KCNJ16: variants seen among roughly 807,000 people sequenced by gnomAD.
KCNJ16 encodes inward rectifier potassium channel 16.
Under a neutral mutation model 18.5 loss-of-function variants are expected in KCNJ16, and 15 were observed. The observed-to-expected ratio is 0.81, with a 90% CI of 0.54 to 1.25. The LOEUF (loss-of-function observed/expected upper bound fraction) is 1.25. KCNJ16 is among the 50% of genes most tolerant of loss of function. KCNJ16 has a pLI of 0.00. For missense variants in KCNJ16, 523 were observed against 525.7 expected, an observed-to-expected ratio of 0.99 and a Z score of 0.05; for synonymous variants, 174 against 186.5, an observed-to-expected ratio of 0.93 and a Z score of 0.55.
chr17:70,077,051 C>T (rs7210827), intron 1 of KCNJ16, among the ~76,000 whole-genome samples: 137,602 of 152,256 alleles, frequency 0.9, 62,307 homozygotes, highest in East Asian at 1. Context: ...AAGTGAGCAA[C>T]GTAGAATCCT....
intron 1 of KCNJ16, among the ~76,000 whole-genome samples, chr17:70,096,408 C>A (rs1301200825): frequency 6.6e-6 from 1 of 152,044 alleles, no homozygotes; most frequent in Non-Finnish European, 1.5e-5. Flanking sequence ...TGAAATTCTG[C>A]CAATACCTTT....
Position 70,105,648 on chromosome 17 carries a change from A to G in KCNJ16, c.-191+4882A>G, listed in dbSNP as rs113987426. 7.0e-3 allele frequency among the ~76,000 whole-genome samples: 1,064 copies of G among 152,330 alleles called. 8 individuals are homozygous for G. Among genetic ancestry groups the G allele is most frequent in the African/African-American group, 0.024 (1,012 of 41,570 alleles). On this transcript the variant is annotated intron_variant, in intron 2 of 3. Transcript: ENST00000392671. Reference sequence around the variant, plus strand: ...TGCTAAAAGGTAACTTCAATAAATAATAAGCCCTTCAAGCATTGAAATCTG... The same window carrying G: ...TGCTAAAAGGTAACTTCAATAAATAGTAAGCCCTTCAAGCATTGAAATCTG...
intron 2 of KCNJ16, among the ~76,000 whole-genome samples, chr17:70,119,617 C>G (rs978967015): frequency 1.3e-5 from 2 of 152,210 alleles, no homozygotes; most frequent in African/African-American, 4.8e-5. Flanking sequence ...CTCAAGCAAG[C>G]TGTGTCTGGG....
At chr17:70,128,071 G>A (rs1182587530) in intron 2 of KCNJ16, 1 of 152,190 alleles carries the variant, frequency 6.6e-6, no homozygotes, top group Non-Finnish European at 1.5e-5. Context: ...GAGTTTACCT[G>A]GTAAGTCGCT....
rs529226478 is a variant in KCNJ16, at chr17:70,115,047, G to A, written c.-191+14281G>A. Among the ~76,000 whole-genome samples the A allele has an allele frequency of 5.3e-5, 8 of 152,214 alleles. No homozygotes were observed. The South Asian group carries it at 8.3e-4, about 16-fold the overall frequency. ...AAGACGTCGATTAGTTGGTGCAAAC[G>A]TGCACAGTCTTACTAGCAATCAAGC... On this transcript the variant is annotated intron_variant, in intron 2 of 3. Coordinates refer to ENST00000392671, the MANE Select transcript of KCNJ16 (RefSeq NM_170741.4).
chr17:70,129,898 TTTCATTTATTTA>T (rs1409399682), intron 2 of KCNJ16, among the ~76,000 whole-genome samples: 1 of 141,552 alleles, frequency 7.1e-6, no homozygotes, highest in Non-Finnish European at 1.5e-5. Flanking sequence ...AAATAAAACC[TTTCATTTATTTA>T]TTTATTTATT....
At chr17:70,113,625 A>T (rs1019852676) in intron 2 of KCNJ16, among the ~76,000 whole-genome samples, 1 of 152,162 alleles carries the variant, frequency 6.6e-6, no homozygotes, top group Non-Finnish European at 1.5e-5. Context: ...CTCAGTTCTT[A>T]GTTGCCCATC....
At chr17:70,105,805 C>A (rs1386406776) in intron 2 of KCNJ16, among the ~76,000 whole-genome samples, 3 of 152,170 alleles carry the variant, frequency 2.0e-5, no homozygotes, top group African/African-American at 7.2e-5. Flanking sequence ...TTCAGGTTTC[C>A]ATTTCACTAG....
At chr17:70,087,925 T>C (rs2071891395) in intron 1 of KCNJ16, among the ~76,000 whole-genome samples, 1 of 142,116 alleles carries the variant, frequency 7.0e-6, no homozygotes, top group African/African-American at 2.6e-5. Flanking sequence ...CTAGAACAGG[T>C]GAATCGCTTG....
intron 2 of KCNJ16, among the ~76,000 whole-genome samples, chr17:70,106,117 G>A (rs1470539476): frequency 1.3e-5 from 2 of 152,112 alleles, no homozygotes; most frequent in Non-Finnish European, 2.9e-5. Flanking sequence ...AAACAGGTCA[G>A]CTAAAATTAA....
chr17:70,103,198 GTA>G (rs1004535179), intron 2 of KCNJ16, among the ~76,000 whole-genome samples: 52 of 142,100 alleles, frequency 3.7e-4, no homozygotes, highest in Middle Eastern at 3.8e-3. Context: ...ATATATATGT[GTA>G]TATATATTTT....
chr17:70,131,643 T>C (rs1180063890), intron 3 of KCNJ16, among the ~76,000 whole-genome samples: 1 of 152,248 alleles, frequency 6.6e-6, no homozygotes, highest in Non-Finnish European at 1.5e-5. Flanking sequence ...CTTTTCATAT[T>C]AGCAATTACT....
intron 2 of KCNJ16, among the ~76,000 whole-genome samples, chr17:70,121,818 C>T (rs2073652070): frequency 6.6e-6 from 1 of 152,062 alleles, no homozygotes; most frequent in Admixed American, 6.6e-5. Context: ...AAAAAATTAG[C>T]TGAGTGTGGT....
At chr17:70,113,519 G>T (rs1417808525) in intron 2 of KCNJ16, among the ~76,000 whole-genome samples, 1 of 152,078 alleles carries the variant, frequency 6.6e-6, no homozygotes, top group African/African-American at 2.4e-5. Flanking sequence ...TACTGTCATT[G>T]GTGTATTTGG....
At chr17:70,084,149 T>G (rs2071686406) in intron 1 of KCNJ16, among the ~76,000 whole-genome samples, 1 of 152,202 alleles carries the variant, frequency 6.6e-6, no homozygotes, top group Non-Finnish European at 1.5e-5. Context: ...AGTGACTTGT[T>G]GTGGAAAGAA....
At chr17:70,130,352 T>C (rs1274021669) in intron 2 of KCNJ16, among the ~76,000 whole-genome samples, 4 of 152,190 alleles carry the variant, frequency 2.6e-5, no homozygotes, top group Non-Finnish European at 5.9e-5. Flanking sequence ...CTTGAAATTA[T>C]ACAATTGGAT....
intron 2 of KCNJ16, chr17:70,128,943 T>C (rs1336560452): frequency 6.6e-6 from 1 of 152,250 alleles, no homozygotes; most frequent in African/African-American, 2.4e-5. Flanking sequence ...CAGTCTGATG[T>C]AACTGCTACG....
intron 1 of KCNJ16, among the ~76,000 whole-genome samples, chr17:70,095,119 T>C (rs2072294638): frequency 6.6e-6 from 1 of 152,244 alleles, no homozygotes; most frequent in South Asian, 2.1e-4. Context: ...AATTCACAAA[T>C]AGCTCAATTT....
intron 2 of KCNJ16, among the ~76,000 whole-genome samples, chr17:70,104,318 G>A (rs1324650069): frequency 6.6e-6 from 1 of 152,078 alleles, no homozygotes; most frequent in Non-Finnish European, 1.5e-5. Context: ...AAATTTAGAG[G>A]AAGCAAATGA....
Sources: gnomAD v4.1 joint callset for allele counts (sites outside exome capture counted in the v4.1 genomes callset) on GRCh38, gnomAD v4.1.1 for gene constraint, MANE v1.5 for transcripts, NCBI Gene and HGNC (gene_info 2026-07-23, HGNC 2026-07-21) for gene names.